EPS8L2: variants seen among roughly 807,000 people sequenced by gnomAD.
EPS8L2 encodes the protein epidermal growth factor receptor kinase substrate 8-like protein 2.
EPS8L2 carries 81 observed loss-of-function variants against 99.4 expected under a neutral mutation model. The observed-to-expected ratio is 0.82, with a 90% confidence interval of 0.68 to 0.98. The LOEUF (loss-of-function observed/expected upper bound fraction) is 0.98. Ranked by LOEUF, EPS8L2 falls within the 50% of genes least tolerant of loss-of-function variation. EPS8L2 has a pLI of 0.00. For synonymous variants in EPS8L2, 509 were observed against 407.3 expected, an observed-to-expected ratio of 1.25 and a Z score of -3.01; for missense variants, 1,155 against 968.8, an observed-to-expected ratio of 1.19 and a Z score of -2.55.
At chr11:710,194 C>T (rs1036139882) in intron 3 of EPS8L2, 1 of 546,972 alleles carries the variant, frequency 1.8e-6, no homozygotes, top group Non-Finnish European at 3.3e-6. Context: ...CAGAGCAAGC[C>T]CATCGCCTTC....
In EPS8L2 at chr11:727,216, C is replaced by G. The variant is rs61541872; in HGVS notation, c.*235C>G. On this transcript the variant is annotated 3_prime_UTR_variant, in exon 21 of 21. Transcript: ENST00000318562. Reference sequence around the variant, plus strand: ...AAACCTGCTGCTTGGTGGTGCCAGCCCCTTGTCCACCTTCTCTTGAGGCCA... The same window carrying G: ...AAACCTGCTGCTTGGTGGTGCCAGCGCCTTGTCCACCTTCTCTTGAGGCCA... 19,766 of 455,882 alleles carry G rather than the reference C, an allele frequency of 0.043. 1,628 individuals carry two copies. The highest frequency in any genetic ancestry group is 0.28 in the East Asian group (6,807 of 24,318). The allele number at this position is 455,882 out of a possible 1,614,324, so 28.2% of individuals were successfully genotyped here. A position where few individuals can be genotyped will look rare whatever the true frequency, so the allele number is the denominator to read the frequency against.
intron 4 of EPS8L2, among the ~76,000 whole-genome samples, chr11:713,656 T>A (rs1861944990): frequency 6.6e-6 from 1 of 152,224 alleles, no homozygotes; most frequent in African/African-American, 2.4e-5. Flanking sequence ...GTGATTCTCC[T>A]GCCTCAGCCT....
Position 720,694 on chromosome 11 carries a change from A to G in EPS8L2, c.425A>G (p.Asp142Gly), listed in dbSNP as rs1440188017. The G allele has an allele frequency of 1.3e-6, 2 of 1,597,880 alleles. No individual in the cohort carries two copies. Among genetic ancestry groups the G allele is most frequent in the African/African-American group, 1.3e-5 (1 of 74,726 alleles). The change falls in exon 6 of 21, where the codon GAC becomes GGC. Residue 142 changes from aspartate (D) to glycine (G), a missense_variant. Asp to Gly is a moderately conservative substitution (Grantham distance 94, BLOSUM62 -1). Transcript: ENST00000318562. ...YPSVLLLVCQ[D>G]SEQSKPDVHF... ...TCTGTGCTGCTGCTCGTGTGCCAGG[A>G]CTCGGAGCAGAGCAAGCCGGATGTC... is the stretch of plus-strand genomic sequence containing the variant.
At chr11:721,035 G>T in intron 7 of EPS8L2, 29 bp from the exon 8 acceptor site, 1 of 1,455,572 alleles carries the variant, frequency 6.9e-7, no homozygotes, top group Non-Finnish European at 9.1e-7. Flanking sequence ...GTTCCCGGCG[G>T]GGCTGAGCAG....
Position 727,304 on chromosome 11 carries a change from C to A in EPS8L2, c.*323C>A. 4.0e-6 allele frequency: 1 copy of A among 247,636 alleles called. No individual in the cohort carries two copies. The highest frequency in any genetic ancestry group is 1.1e-4 in the East Asian group (1 of 9,502). The allele number at this position is 247,636 out of a possible 1,614,324, so 15.3% of individuals were successfully genotyped here. On this transcript the variant is annotated 3_prime_UTR_variant, in exon 21 of 21. Transcript: ENST00000318562. ...CCCCTGTGCACCTGGGGGGTCCTGG[C>A]CCCTGTGATGCTCCCCCATCCCCAC...
chr11:720,442 C>T (rs1046050659), intron 5 of EPS8L2, 155 bp from the exon 6 acceptor site: 1 of 1,261,452 alleles, frequency 7.9e-7, no homozygotes, highest in Non-Finnish European at 1.1e-6. Context: ...GGTACAGCTG[C>T]GGGGTGTGTC....
In EPS8L2 at chr11:724,917, G is replaced by A. The variant is rs1862275919; in HGVS notation, c.1560+88G>A. On this transcript the variant is annotated intron_variant, in intron 16 of 20. Coordinates refer to ENST00000318562, the MANE Select transcript of EPS8L2 (RefSeq NM_022772.4). This position sits in a 1 kb window ranked among gnomAD's most constrained non-coding sequence, Gnocchi z 5.5. ...ACCAGGGGAGGTGGGGAGCGGTCTA[G>A]GGCCAGGCTGGGTGATGCCAGGACG... The A allele has an allele frequency of 3.1e-6, 3 of 967,798 alleles. No homozygotes were observed. The highest frequency in any genetic ancestry group is 1.9e-5 in the Admixed American group (1 of 51,502). 60.0% of individuals were successfully genotyped at this position (967,798 alleles called of 1,614,324 possible). A position where few individuals can be genotyped will look rare whatever the true frequency, so the allele number is the denominator to read the frequency against.
chr11:721,746 A>AGGGGACAGGGACGGGGAC (rs1564976856), intron 10 of EPS8L2, 55 bp downstream of exon 10: 2 of 1,413,184 alleles, frequency 1.4e-6, no homozygotes, highest in African/African-American at 3.3e-5. Context: ...CAGCAGGTGC[A>AGGGGACAGGGACGGGGAC]GGGGACAGGG....
At chr11:717,604 C>T (rs182352770) in intron 4 of EPS8L2, among the ~76,000 whole-genome samples, 3 of 152,280 alleles carry the variant, frequency 2.0e-5, no homozygotes, top group African/African-American at 4.8e-5. Flanking sequence ...CCTGGCTGGG[C>T]GAGGTGGCTC....
At chr11:721,834 G>A (rs759583884) in intron 10 of EPS8L2, 69 bp from the exon 11 acceptor site, 13 of 1,530,976 alleles carry the variant, frequency 8.5e-6, no homozygotes, top group African/African-American at 4.1e-5. Flanking sequence ...GATGGGCTGC[G>A]TGGGACAGAA....
chr11:709,824 T>G (rs1590046016), intron 3 of EPS8L2: 1 of 603,224 alleles, frequency 1.7e-6, no homozygotes, highest in East Asian at 2.8e-5. Context: ...CCTTTACTAA[T>G]AATTCAGGGA....
intron 1 of EPS8L2, chr11:709,100 T>TG (rs1453303582): frequency 3.3e-5 from 17 of 514,738 alleles, no homozygotes; most frequent in South Asian, 3.0e-4. Flanking sequence ...AGTCAGCCTC[T>TG]GGGGGGTCCC....
chr11:721,754 G>A, intron 10 of EPS8L2, 63 bp downstream of exon 10: 1 of 1,517,578 alleles, frequency 6.6e-7, no homozygotes, highest in Non-Finnish European at 9.1e-7. Flanking sequence ...GCAGGGGACA[G>A]GGACGGGGAC....
intron 14 of EPS8L2, 138 bp from the exon 15 acceptor site, chr11:723,103 C>T: frequency 1.7e-6 from 1 of 592,112 alleles, no homozygotes; most frequent in Admixed American, 3.3e-5. Context: ...CCCATGCTGG[C>T]ATCACCGGGC....
intron 4 of EPS8L2, among the ~76,000 whole-genome samples, chr11:711,199 T>C (rs1861878725): frequency 6.6e-6 from 1 of 152,134 alleles, no homozygotes; most frequent in Non-Finnish European, 1.5e-5. Context: ...GTCAGTTTCA[T>C]TGACACGGAG....
intron 4 of EPS8L2, among the ~76,000 whole-genome samples, chr11:713,334 C>T (rs1861936990): frequency 6.6e-6 from 1 of 152,240 alleles, no homozygotes; most frequent in Non-Finnish European, 1.5e-5. Context: ...ACCTTGGTGG[C>T]TACCCCCAAC....
At chr11:722,192 C>T (rs759755334) in intron 12 of EPS8L2, 27 bp downstream of exon 12, 8 of 1,607,488 alleles carry the variant, frequency 5.0e-6, no homozygotes, top group South Asian at 3.3e-5. Context: ...GGCAGGGGCG[C>T]GCAGGGTGGG....
At chr11:721,795 T>C (rs774858630) in intron 10 of EPS8L2, 104 bp downstream of exon 10, 1 of 1,507,512 alleles carries the variant, frequency 6.6e-7, no homozygotes, top group African/African-American at 1.4e-5. Flanking sequence ...GGGCTACTCA[T>C]GGAGGTGGAG....
At chr11:707,280 A>C (rs1047317878) in intron 1 of EPS8L2, among the ~76,000 whole-genome samples, 1 of 152,006 alleles carries the variant, frequency 6.6e-6, no homozygotes, top group Non-Finnish European at 1.5e-5. Context: ...TCCTCCCTCA[A>C]GCCATAGCTT....
Sources: allele counts gnomAD v4.1 joint callset (sites outside exome capture counted in the v4.1 genomes callset), GRCh38; gene constraint gnomAD v4.1.1; non-coding constraint Gnocchi (gnomAD v3.1); transcripts MANE v1.5; gene names NCBI Gene and HGNC (gene_info 2026-07-23, HGNC 2026-07-21).